Variants in KCNQ1 observed in about 807,000 individuals in gnomAD.
KCNQ1 encodes the protein potassium voltage-gated channel subfamily Q member 1, also known as potassium voltage-gated channel subfamily KQT member 1.
In KCNQ1, 49 loss-of-function variants were observed where a neutral mutation model predicts 72.4. The ratio of observed to expected loss-of-function variants is 0.68; its 90% CI spans 0.54 to 0.86. The LOEUF (loss-of-function observed/expected upper bound fraction) is 0.86, where lower values mean the gene tolerates loss of function less well. Among genes scored for constraint, KCNQ1 ranks in the 40% least tolerant of loss-of-function variants. KCNQ1 has a pLI of 0.00. For missense variants in KCNQ1, 790 were observed against 945.1 expected, an observed-to-expected ratio of 0.84 and a Z score of 2.15; for synonymous variants, 450 against 412.6, an observed-to-expected ratio of 1.09 and a Z score of -1.10.
rs1453613710 is a variant in KCNQ1 at position 2,787,123 on chromosome 11, T to C, written c.1794+9086T>C. Among the ~76,000 whole-genome samples the C allele has an allele frequency of 1.3e-5, 2 of 152,204 alleles. No individual in the cohort carries two copies. The highest frequency in any genetic ancestry group is 2.9e-5 in the Non-Finnish European group (2 of 68,022). ...TTTTAATTCTAGGCTCAAAGTTTTC[T>C]AGGCCACTTAGGTAGTATGAATTCA... is the stretch of plus-strand genomic sequence containing the variant. On this transcript the variant is annotated intron_variant, in intron 15 of 15. Coordinates refer to ENST00000155840, the MANE Select transcript of KCNQ1 (RefSeq NM_000218.3). The surrounding 1 kb of genome is among the most constrained non-coding windows in gnomAD (Gnocchi z 6.3).
At chr11:2,696,793 T>C in intron 11 of KCNQ1, 1 of 398,622 alleles carries the variant, frequency 2.5e-6, no homozygotes, top group Non-Finnish European at 4.4e-6. Context: ...CCTAGACTGG[T>C]ATAAATTTTG....
chr11:2,848,072 T>C lies in KCNQ1; in HGVS notation c.*69T>C. 7.5e-7 allele frequency: 1 copy of C among 1,338,858 alleles called. No individual in the cohort carries two copies. The highest frequency in any genetic ancestry group is 1.0e-6 in the Non-Finnish European group (1 of 965,490). The allele number at this position is 1,338,858 out of a possible 1,614,324, so 82.9% of individuals were successfully genotyped here. ...CCAAGAGTGGCCCCACCTGGCCCTCTCTGAAGGAGGCCACCTCCTAAAAGG... is the reference window on the plus strand; with the variant it reads ...CCAAGAGTGGCCCCACCTGGCCCTCCCTGAAGGAGGCCACCTCCTAAAAGG... On this transcript the variant is annotated 3_prime_UTR_variant, in exon 16 of 16. Transcript: ENST00000155840.
At chr11:2,615,521 T>C (rs1849046288) in intron 10 of KCNQ1, 1 of 397,906 alleles carries the variant, frequency 2.5e-6, no homozygotes, top group Non-Finnish European at 4.4e-6. Context: ...TCTCATTAAG[T>C]ATATTAGTTG....
In KCNQ1 at chr11:2,572,801, A is replaced by C. The variant is rs774979824; in HGVS notation, c.781-45A>C. ...TTAGGCGTCTGCACAGGAGGCTCCC[A>C]GCCTGCGGTTCCTGGAGCCCGACAC... On this transcript the variant is annotated intron_variant, in intron 5 of 15. Coordinates refer to ENST00000155840, the MANE Select transcript of KCNQ1 (RefSeq NM_000218.3). 4 of 1,612,436 alleles carry C rather than the reference A, an allele frequency of 2.5e-6. No homozygotes were observed. In the African/African-American group the frequency reaches 4.0e-5, roughly 16 times the overall value.
In KCNQ1 at chr11:2,515,210, CT is replaced by C. The variant is rs1194172402; in HGVS notation, c.387-12715del. On this transcript the variant is annotated intron_variant, in intron 1 of 15. Coordinates refer to ENST00000155840, the MANE Select transcript of KCNQ1 (RefSeq NM_000218.3). This position sits in a 1 kb window ranked among gnomAD's most constrained non-coding sequence, Gnocchi z 4.7. ...CTCCCCTTTGGAGTCCCAGAGTGAC[CT>C]TTCTCCGTCTTTCTGTCCAAGCATC... Among the ~76,000 whole-genome samples the C allele has an allele frequency of 6.6e-6, 1 of 152,170 alleles. No homozygotes were observed. Among genetic ancestry groups the C allele is most frequent in the Admixed American group, 6.5e-5 (1 of 15,278 alleles).
chr11:2,802,237 C>T (rs1310363444), intron 15 of KCNQ1, among the ~76,000 whole-genome samples: 2 of 152,204 alleles, frequency 1.3e-5, no homozygotes, highest in East Asian at 1.9e-4. Context: ...TGTGAGCTGT[C>T]GCCTCTGTCC....
chr11:2,701,687 C>T (rs118036891), intron 11 of KCNQ1, among the ~76,000 whole-genome samples: 309 of 152,362 alleles, frequency 2.0e-3, no homozygotes, highest in Non-Finnish European at 3.6e-3. Context: ...CCTGCCTCCT[C>T]AGGACAGATT....
chr11:2,747,233 G>A (rs1036294530), intron 11 of KCNQ1, among the ~76,000 whole-genome samples: 1 of 152,234 alleles, frequency 6.6e-6, no homozygotes, highest in African/African-American at 2.4e-5. Context: ...ATTACCGGAT[G>A]GTGACAAAGC....
chr11:2,488,799 TTGA>T lies in KCNQ1; in HGVS notation c.387-39127_387-39125del, dbSNP rs1846785062. Among the ~76,000 whole-genome samples, 1 of 152,224 alleles carries T rather than the reference TTGA, an allele frequency of 6.6e-6. No homozygotes were observed. The highest frequency in any genetic ancestry group is 1.9e-4 in the East Asian group (1 of 5,206). On this transcript the variant is annotated intron_variant, in intron 1 of 15. Transcript: ENST00000155840. This position sits in a 1 kb window ranked among gnomAD's most constrained non-coding sequence, Gnocchi z 5.1. ...TTAAAATCTTTTCAGAGAAGCAACT[TTGA>T]TTTAATTGATTTTTCTCTATTGTTT...
rs573064245 is a variant in KCNQ1 at position 2,579,813 on chromosome 11, C to T, written c.922-3622C>T. On this transcript the variant is annotated intron_variant, in intron 6 of 15. Transcript: ENST00000155840. The surrounding 1 kb of genome is among the most constrained non-coding windows in gnomAD (Gnocchi z 6.0). ...GAGCCCACGTGCACCCAGCTCAGCCCCAGGAGGTGACACCCCCACCCTCAG... is the reference window on the plus strand; with the variant it reads ...GAGCCCACGTGCACCCAGCTCAGCCTCAGGAGGTGACACCCCCACCCTCAG... Among the ~76,000 whole-genome samples the T allele has an allele frequency of 1.4e-4, 21 of 152,148 alleles. No homozygotes were observed. Among genetic ancestry groups the T allele is most frequent in the Admixed American group, 1.3e-4 (2 of 15,294 alleles).
intron 11 of KCNQ1, chr11:2,689,004 C>T (rs935767445): frequency 2.5e-5 from 10 of 398,580 alleles, no homozygotes; most frequent in Non-Finnish European, 4.4e-5. Flanking sequence ...CCTGCAGGTC[C>T]CTGGGTTGGA....
rs985593876 is a variant in KCNQ1, at chr11:2,827,062, G to A, written c.1795-20705G>A. Among the ~76,000 whole-genome samples, 2 of 152,180 alleles carry A rather than the reference G, an allele frequency of 1.3e-5. No individual in the cohort carries two copies. The highest frequency in any genetic ancestry group is 2.9e-5 in the Non-Finnish European group (2 of 68,032). On this transcript the variant is annotated intron_variant, in intron 15 of 15. Transcript: ENST00000155840. This position sits in a 1 kb window ranked among gnomAD's most constrained non-coding sequence, Gnocchi z 6.7. ...TCAGCCTGAAGCTCAGAGGTGATGT[G>A]CTTAGATGTCACAGAGCCGGGAGGG...
In KCNQ1 at chr11:2,571,311, C is replaced by A. The variant is rs1284195790; in HGVS notation, c.605-14C>A. The A allele has an allele frequency of 6.2e-7, 1 of 1,611,068 alleles. No homozygotes were observed. The highest frequency in any genetic ancestry group is 8.5e-7 in the Non-Finnish European group (1 of 1,177,932). On this transcript the variant is annotated splice_polypyrimidine_tract_variant and intron_variant, in intron 3 of 15. Transcript: ENST00000155840. Reference sequence around the variant, plus strand: ...GGCGATCACGAAAAGCTCCCCCTCTCCTGCACTCCACAGACCTCATCGTGG... The same window carrying A: ...GGCGATCACGAAAAGCTCCCCCTCTACTGCACTCCACAGACCTCATCGTGG...
At position 2,803,270 on chromosome 11, in the gene KCNQ1, C is replaced by A. The variant is rs543401390; in HGVS notation, c.1794+25233C>A. On this transcript the variant is annotated intron_variant, in intron 15 of 15. Transcript: ENST00000155840. This position sits in a 1 kb window ranked among gnomAD's most constrained non-coding sequence, Gnocchi z 6.4. Reference sequence around the variant, plus strand: ...ATCCTCCCAAGGACTCGCCCCTAGTCAGGAAAAAATAGGGCCCCGGAGTCA... The same window carrying A: ...ATCCTCCCAAGGACTCGCCCCTAGTAAGGAAAAAATAGGGCCCCGGAGTCA... Among the ~76,000 whole-genome samples, 8 of 152,304 alleles carry A rather than the reference C, an allele frequency of 5.3e-5. No homozygotes were observed. The South Asian group carries it at 1.7e-3, about 32-fold the overall frequency.
intron 15 of KCNQ1, among the ~76,000 whole-genome samples, chr11:2,838,922 G>T (rs1022315830): frequency 6.6e-6 from 1 of 151,410 alleles, no homozygotes; most frequent in South Asian, 2.1e-4. Context: ...CACAAACACG[G>T]CTCCTGGGCC....
At position 2,777,870 on chromosome 11, in the gene KCNQ1, C is replaced by T. The variant is rs901204353; in HGVS notation, c.1733-106C>T. ...GTCCTAGTAGGTTTAGGCATTTTGA[C>T]TCTCAGCTACCTCCCCCAGCCCTAC... On this transcript the variant is annotated intron_variant, in intron 14 of 15. Coordinates refer to ENST00000155840, the MANE Select transcript of KCNQ1 (RefSeq NM_000218.3). 8.7e-6 allele frequency: 8 copies of T among 923,764 alleles called. No individual in the cohort carries two copies. The African/African-American group carries it at 1.3e-4, about 15-fold the overall frequency. 57.2% of individuals were successfully genotyped at this position (923,764 alleles called of 1,614,324 possible).
chr11:2,454,658 TAAAAAC>T (rs1846160761), intron 1 of KCNQ1, among the ~76,000 whole-genome samples: 3 of 152,042 alleles, frequency 2.0e-5, no homozygotes, highest in East Asian at 3.8e-4. Context: ...TAAACAGAAT[TAAAAAC>T]AAAAACCGTA....
At chr11:2,833,588 G>A (rs1847998732) in intron 15 of KCNQ1, among the ~76,000 whole-genome samples, 1 of 152,230 alleles carries the variant, frequency 6.6e-6, no homozygotes, top group Non-Finnish European at 1.5e-5. Context: ...GGAGGCAAGA[G>A]GCTGGGTTCC....
rs1284956493 is a variant in KCNQ1 at position 2,710,961 on chromosome 11, C to G, written c.1514+48880C>G. Among the ~76,000 whole-genome samples the G allele has an allele frequency of 1.3e-5, 2 of 151,978 alleles. No homozygotes were observed. Among genetic ancestry groups the G allele is most frequent in the Non-Finnish European group, 1.5e-5 (1 of 67,996 alleles). ...CAAGATTATTTTGGCTATTCTGGGT[C>G]CCTTGAATTTCCATATGAATTTTAC... On this transcript the variant is annotated intron_variant, in intron 11 of 15. Transcript: ENST00000155840. The surrounding 1 kb of genome is among the most constrained non-coding windows in gnomAD (Gnocchi z 4.1).
Sources: allele counts gnomAD v4.1 joint callset (sites outside exome capture counted in the v4.1 genomes callset), GRCh38; gene constraint gnomAD v4.1.1; non-coding constraint Gnocchi (gnomAD v3.1); transcripts MANE v1.5; gene names NCBI Gene and HGNC (gene_info 2026-07-23, HGNC 2026-07-21).